CNTNAP2: variants seen among roughly 807,000 people sequenced by gnomAD.
CNTNAP2 encodes contactin-associated protein-like 2.
Under a neutral mutation model 155.2 loss-of-function variants are expected in CNTNAP2, and 98 were observed. The ratio of observed to expected loss-of-function variants is 0.63; its 90% CI spans 0.54 to 0.75. The LOEUF is 0.75. CNTNAP2 is among the 30% of genes least tolerant of loss of function. CNTNAP2 has a pLI of 0.00. For synonymous variants in CNTNAP2, 651 were observed against 631.2 expected (o/e 1.03, Z -0.47); for missense variants, 1,727 against 1,688.1 (o/e 1.02, Z -0.40).
At chr7:146,543,436 A>C (rs1797983573) in intron 1 of CNTNAP2, among the ~76,000 whole-genome samples, 1 of 151,788 alleles carries the variant, frequency 6.6e-6, no homozygotes, top group African/African-American at 2.4e-5. Context: ...CCCATAAGTA[A>C]GGATTGTTTT....
intron 3 of CNTNAP2, among the ~76,000 whole-genome samples, chr7:146,936,658 T>A (rs1796921417): frequency 6.6e-6 from 1 of 152,180 alleles, no homozygotes; most frequent in South Asian, 2.1e-4. Context: ...AAAACCTGAC[T>A]TAGAAGTATG....
chr7:147,940,766 G>T (rs1389323571), intron 14 of CNTNAP2, among the ~76,000 whole-genome samples: 2 of 152,004 alleles, frequency 1.3e-5, no homozygotes. Flanking sequence ...TAGAATTCCT[G>T]GGCTCAAGCG....
intron 1 of CNTNAP2, among the ~76,000 whole-genome samples, chr7:146,553,492 A>G (rs184201333): frequency 1.4e-3 from 215 of 152,158 alleles, no homozygotes; most frequent in Non-Finnish European, 2.4e-3. Context: ...TGTTTTTCCT[A>G]TAATTCATCC....
intron 12 of CNTNAP2, among the ~76,000 whole-genome samples, chr7:147,618,702 C>T (rs1412879703): frequency 7.5e-6 from 1 of 132,454 alleles, no homozygotes; most frequent in Non-Finnish European, 1.5e-5. Flanking sequence ...ATAATAACAG[C>T]TATTATACAC....
Position 148,383,994 on chromosome 7 carries a change from G to C in CNTNAP2, c.3715+106G>C, listed in dbSNP as rs1799133997. Reference sequence around the variant, plus strand: ...ACAGAACCTCACTGGTAATGTCATTGGAGGATTAAGAAAGGGCAAAGGAAC... The same window carrying C: ...ACAGAACCTCACTGGTAATGTCATTCGAGGATTAAGAAAGGGCAAAGGAAC... On this transcript the variant is annotated intron_variant, in intron 22 of 23. Coordinates refer to ENST00000361727, the MANE Select transcript of CNTNAP2 (RefSeq NM_014141.6). The C allele has an allele frequency of 3.4e-6, 5 of 1,472,878 alleles. No homozygotes were observed. In the African/African-American group the frequency reaches 7.0e-5, roughly 21 times the overall value. The allele number at this position is 1,472,878 out of a possible 1,614,324, so 91.2% of individuals were successfully genotyped here.
At chr7:147,645,236 A>G (rs982927412) in intron 13 of CNTNAP2, among the ~76,000 whole-genome samples, 1 of 152,178 alleles carries the variant, frequency 6.6e-6, no homozygotes, top group African/African-American at 2.4e-5. Context: ...ATTGTAACAT[A>G]TAATCTATTT....
chr7:147,683,129 A>T (rs1450597036), intron 13 of CNTNAP2, among the ~76,000 whole-genome samples: 1 of 151,930 alleles, frequency 6.6e-6, no homozygotes, highest in African/African-American at 2.4e-5. Flanking sequence ...TTTCTTTCAT[A>T]TAATATATAA....
At chr7:146,498,139 G>A (rs1797247609) in intron 1 of CNTNAP2, among the ~76,000 whole-genome samples, 1 of 152,130 alleles carries the variant, frequency 6.6e-6, no homozygotes, top group Non-Finnish European at 1.5e-5. Flanking sequence ...ATCTTGGAGA[G>A]CCTATCAATG....
intron 8 of CNTNAP2, among the ~76,000 whole-genome samples, chr7:147,194,007 G>A (rs918782347): frequency 1.3e-5 from 2 of 151,826 alleles, no homozygotes; most frequent in African/African-American, 4.8e-5. Context: ...GAAGGTGCAG[G>A]TTTGTTACAT....
intron 1 of CNTNAP2, among the ~76,000 whole-genome samples, chr7:146,389,710 T>C (rs1443576025): frequency 2.0e-5 from 3 of 148,548 alleles, no homozygotes; most frequent in South Asian, 2.1e-4. Context: ...TTTCTTTTTT[T>C]TTTTTTTTGA....
intron 1 of CNTNAP2, among the ~76,000 whole-genome samples, chr7:146,768,356 A>C (rs1244323117): frequency 6.6e-6 from 1 of 151,594 alleles, no homozygotes; most frequent in Admixed American, 6.6e-5. Context: ...TGGTGTCCCA[A>C]CTCAGTGCTC....
At chr7:147,664,015 G>A (rs1029685788) in intron 13 of CNTNAP2, among the ~76,000 whole-genome samples, 2 of 152,114 alleles carry the variant, frequency 1.3e-5, no homozygotes, top group Non-Finnish European at 2.9e-5. Context: ...GTAGTAAAAC[G>A]TGTTTAACCA....
chr7:146,878,447 G>GT lies in CNTNAP2; in HGVS notation c.402+38554dup, dbSNP rs111411298. Among the ~76,000 whole-genome samples, 1,353 of 144,626 alleles carry GT rather than the reference G, an allele frequency of 9.4e-3. 16 individuals are homozygous for GT. The highest frequency in any genetic ancestry group is 0.028 in the African/African-American group (1,126 of 39,750). The allele number at this position is 144,626 out of a possible 152,430, so 94.9% of individuals were successfully genotyped here. ...TTCCCTTTCCCACAAGTACTCTTGAGTTTTTTTTTTTAATAAGATTATACC... is the reference window on the plus strand; with the variant it reads ...TTCCCTTTCCCACAAGTACTCTTGAGTTTTTTTTTTTTAATAAGATTATACC... On this transcript the variant is annotated intron_variant, in intron 3 of 23. Coordinates refer to ENST00000361727, the MANE Select transcript of CNTNAP2 (RefSeq NM_014141.6).
chr7:147,182,125 C>CAAA (rs10718876), intron 8 of CNTNAP2, among the ~76,000 whole-genome samples: 104 of 92,274 alleles, frequency 1.1e-3, no homozygotes, highest in Middle Eastern at 6.3e-3. Context: ...GACTCCATCT[C>CAAA]AAAAAAAAAA....
chr7:146,419,977 G>T (rs1436909754), intron 1 of CNTNAP2, among the ~76,000 whole-genome samples: 1 of 152,012 alleles, frequency 6.6e-6, no homozygotes, highest in Admixed American at 6.6e-5. Flanking sequence ...TACAGATAAG[G>T]CCTGCAAAAG....
At chr7:147,136,926 ATACTT>A (rs1172440380) in intron 8 of CNTNAP2, among the ~76,000 whole-genome samples, 1 of 151,924 alleles carries the variant, frequency 6.6e-6, no homozygotes, top group African/African-American at 2.4e-5. Flanking sequence ...ATTACTACAA[ATACTT>A]TAAGAGATTT....
intron 13 of CNTNAP2, among the ~76,000 whole-genome samples, chr7:147,667,483 A>G (rs1795714678): frequency 6.6e-6 from 1 of 152,186 alleles, no homozygotes; most frequent in African/African-American, 2.4e-5. Context: ...GCATATCACT[A>G]AACACGCACT....
At chr7:146,577,313 C>A (rs994640826) in intron 1 of CNTNAP2, among the ~76,000 whole-genome samples, 1 of 152,046 alleles carries the variant, frequency 6.6e-6, no homozygotes, top group African/African-American at 2.4e-5. Flanking sequence ...TTTAGAGCTT[C>A]CTTCTACAGA....
intron 11 of CNTNAP2, among the ~76,000 whole-genome samples, chr7:147,543,782 G>A (rs1017570435): frequency 3.3e-5 from 5 of 152,088 alleles, no homozygotes; most frequent in East Asian, 1.9e-4. Flanking sequence ...GAACCATGGC[G>A]AGCCTCAGGA....
Sources: gnomAD v4.1 joint callset for allele counts (sites outside exome capture counted in the v4.1 genomes callset) on GRCh38, gnomAD v4.1.1 for gene constraint, MANE v1.5 for transcripts, NCBI Gene and HGNC (gene_info 2026-07-23, HGNC 2026-07-21) for gene names.